The following SLC23A2 variants were observed in gnomAD, a reference collection of about 807,000 sequenced individuals.
SLC23A2 encodes solute carrier family 23 member 2.
Under a neutral mutation model 73.3 loss-of-function variants are expected in SLC23A2, and 36 were observed. The ratio of observed to expected loss-of-function variants is 0.49; its 90% confidence interval spans 0.38 to 0.65. SLC23A2 has a LOEUF of 0.65. SLC23A2 is among the 30% of genes least tolerant of loss of function. The pLI is 0.00. For missense variants in SLC23A2, 507 were observed against 841.6 expected, an observed-to-expected ratio of 0.60 and a Z score of 4.92; for synonymous variants, 343 against 327.3, an observed-to-expected ratio of 1.05 and a Z score of -0.52.
At chr20:4,948,764 T>C (rs1228197854) in intron 2 of SLC23A2, among the ~76,000 whole-genome samples, 1 of 152,248 alleles carries the variant, frequency 6.6e-6, no homozygotes, top group African/African-American at 2.4e-5. Flanking sequence ...AAAAATTATA[T>C]TCATTAAATA....
intron 1 of SLC23A2, among the ~76,000 whole-genome samples, chr20:4,980,054 G>C (rs760189507): frequency 6.6e-6 from 1 of 151,958 alleles, no homozygotes; most frequent in Admixed American, 6.6e-5. Flanking sequence ...AACTCACTAG[G>C]TATCAAAGAA....
At chr20:4,950,490 C>T (rs974695882) in intron 2 of SLC23A2, among the ~76,000 whole-genome samples, 1 of 152,198 alleles carries the variant, frequency 6.6e-6, no homozygotes, top group Non-Finnish European at 1.5e-5. Flanking sequence ...GGCAGGTCTC[C>T]ACTGATTCCT....
chr20:4,972,524 T>C (rs1462064538), intron 1 of SLC23A2, among the ~76,000 whole-genome samples: 1 of 150,886 alleles, frequency 6.6e-6, no homozygotes, highest in Admixed American at 6.7e-5. Flanking sequence ...ATAAAATCTC[T>C]ACACATAAAT....
Position 4,857,287 on chromosome 20 carries a change from C to G in SLC23A2, c.1721-83G>C. ...ATGAAACTGTCGTCAAACACATACACACACACACACACACACACACACACA... is the reference window on the plus strand; with the variant it reads ...ATGAAACTGTCGTCAAACACATACAGACACACACACACACACACACACACA... On this transcript the variant is annotated intron_variant, in intron 16 of 16. Transcript: ENST00000338244. This position sits in a 1 kb window ranked among gnomAD's most constrained non-coding sequence, Gnocchi z 4.0. The G allele has an allele frequency of 2.8e-5, 3 of 107,938 alleles. No homozygotes were observed. Among genetic ancestry groups the G allele is most frequent in the South Asian group, 1.1e-4 (1 of 9,202 alleles). 6.7% of individuals were successfully genotyped at this position (107,938 alleles called of 1,614,324 possible).
At chr20:4,926,537 T>C (rs898543821) in intron 3 of SLC23A2, among the ~76,000 whole-genome samples, 2 of 150,648 alleles carry the variant, frequency 1.3e-5, no homozygotes, top group African/African-American at 2.4e-5. Flanking sequence ...TTTTTCCTGA[T>C]TCCTGTTTCT....
rs1231873927 is a variant in SLC23A2, at chr20:4,859,397, C to G, written c.1625-13G>C. On this transcript the variant is annotated splice_polypyrimidine_tract_variant and intron_variant, in intron 15 of 16. Transcript: ENST00000338244. The stretch of plus-strand genomic sequence containing the variant: ...ATTCCTGTTATCCCTAGAAAGAGAA[C>G]ACAGCCATAAACGATCAGTGCCACA... 1 of 1,574,548 alleles carries G rather than the reference C, an allele frequency of 6.4e-7. No homozygotes were observed. Among genetic ancestry groups the G allele is most frequent in the Admixed American group, 1.7e-5 (1 of 59,962 alleles).
rs780385482 is a variant in SLC23A2, at chr20:4,929,123, AG to A, written c.108+3331del. 1.1e-4 allele frequency among the ~76,000 whole-genome samples: 17 copies of A among 152,182 alleles called. No individual in the cohort carries two copies. The East Asian group carries it at 1.5e-3, about 14-fold the overall frequency. On this transcript the variant is annotated intron_variant, in intron 3 of 16. Coordinates refer to ENST00000338244, the MANE Select transcript of SLC23A2 (RefSeq NM_005116.6). ...TATATATATACACAAAAATGTAGCC[AG>A]GCCCAGTAGCACGTACCTGCAGTCC... is the stretch of plus-strand genomic sequence containing the variant.
chr20:4,972,617 C>T (rs1038685756), intron 1 of SLC23A2, among the ~76,000 whole-genome samples: 9 of 151,632 alleles, frequency 5.9e-5, no homozygotes, highest in South Asian at 2.1e-4. Flanking sequence ...GACAGAGTCT[C>T]GCTCTATCAG....
At chr20:4,977,161 A>C (rs1038708530) in intron 1 of SLC23A2, among the ~76,000 whole-genome samples, 3 of 152,150 alleles carry the variant, frequency 2.0e-5, no homozygotes, top group Non-Finnish European at 4.4e-5. Flanking sequence ...GCAGTATACT[A>C]TCATGACACA....
chr20:4,877,194 T>A (rs1930693903), intron 9 of SLC23A2, among the ~76,000 whole-genome samples: 1 of 151,664 alleles, frequency 6.6e-6, no homozygotes, highest in Non-Finnish European at 1.5e-5. Context: ...TAAATAAAAA[T>A]TCCCATACTG....
chr20:4,932,964 G>T (rs768830987), intron 2 of SLC23A2, among the ~76,000 whole-genome samples: 2 of 151,940 alleles, frequency 1.3e-5, no homozygotes, highest in African/African-American at 4.8e-5. Context: ...CACAATACTA[G>T]GGAGAAAAAA....
chr20:4,875,017 G>A lies in SLC23A2; in HGVS notation c.825-321C>T, dbSNP rs143806130. 4.6e-4 allele frequency among the ~76,000 whole-genome samples: 70 copies of A among 152,276 alleles called. 1 individual carries two copies. In the East Asian group the frequency reaches 8.9e-3, roughly 19 times the overall value. ...AAGAATGTACACATTGATGGGAAACGCTTACTCTATGTAAAGGGAAAGGAT... is the reference window on the plus strand; with the variant it reads ...AAGAATGTACACATTGATGGGAAACACTTACTCTATGTAAAGGGAAAGGAT... On this transcript the variant is annotated intron_variant, in intron 9 of 16. Coordinates refer to ENST00000338244, the MANE Select transcript of SLC23A2 (RefSeq NM_005116.6).
intron 2 of SLC23A2, among the ~76,000 whole-genome samples, chr20:4,955,076 C>T (rs2122156712): frequency 6.6e-6 from 1 of 151,986 alleles, no homozygotes; most frequent in Non-Finnish European, 1.5e-5. Context: ...GACCTACTCT[C>T]TATTTAAAAA....
chr20:4,881,697 T>C (rs937228153), intron 9 of SLC23A2, among the ~76,000 whole-genome samples: 1 of 152,206 alleles, frequency 6.6e-6, no homozygotes, highest in African/African-American at 2.4e-5. Flanking sequence ...TAGGTTCATT[T>C]TTTTGTCCTG....
At chr20:4,898,551 A>C (rs1377547796) in intron 6 of SLC23A2, among the ~76,000 whole-genome samples, 1 of 152,216 alleles carries the variant, frequency 6.6e-6, no homozygotes, top group African/African-American at 2.4e-5. Context: ...AACTTAGGAC[A>C]GTCCTGCCAG....
rs1425768215 is a variant in SLC23A2, at chr20:4,998,229, C to T, written c.-282+3177G>A. ...CAGATTCCTCTTCACAGAACCAGAT[C>T]TCATTGTCCACATCCCTACAGTGTG... On this transcript the variant is annotated intron_variant, in intron 1 of 16. Transcript: ENST00000338244. This position sits in a 1 kb window ranked among gnomAD's most constrained non-coding sequence, Gnocchi z 4.1. 1.3e-5 allele frequency among the ~76,000 whole-genome samples: 2 copies of T among 152,192 alleles called. No individual in the cohort carries two copies. The highest frequency in any genetic ancestry group is 2.9e-5 in the Non-Finnish European group (2 of 68,046).
chr20:4,864,605 T>C (rs978634608), intron 13 of SLC23A2, among the ~76,000 whole-genome samples: 4 of 152,256 alleles, frequency 2.6e-5, no homozygotes, highest in African/African-American at 9.6e-5. Flanking sequence ...CGAGGAACTA[T>C]GTAATTATTT....
At chr20:4,895,557 G>A (rs182205726) in intron 6 of SLC23A2, among the ~76,000 whole-genome samples, 55 of 152,226 alleles carry the variant, frequency 3.6e-4, no homozygotes, top group Non-Finnish European at 6.6e-4. Flanking sequence ...AAAATTAGGC[G>A]AAATATATCA....
At position 4,855,536 on chromosome 20, in the gene SLC23A2, A is replaced by C. The variant is rs1399445121; in HGVS notation, c.*1436T>G. On this transcript the variant is annotated 3_prime_UTR_variant, in exon 17 of 17. Coordinates refer to ENST00000338244, the MANE Select transcript of SLC23A2 (RefSeq NM_005116.6). ...TAGTGTTATTAATTAGAACTCTCTTAAGTGAGAGGGAGCCTGTTGGCTGCT... is the reference window on the plus strand; with the variant it reads ...TAGTGTTATTAATTAGAACTCTCTTCAGTGAGAGGGAGCCTGTTGGCTGCT... 2.6e-5 allele frequency: 4 copies of C among 152,378 alleles called. No individual in the cohort carries two copies. The highest frequency in any genetic ancestry group is 5.9e-5 in the Non-Finnish European group (4 of 68,038). 9.4% of individuals were successfully genotyped at this position (152,378 alleles called of 1,614,324 possible).
Sources: gnomAD v4.1 joint callset for allele counts (sites outside exome capture counted in the v4.1 genomes callset) on GRCh38, gnomAD v4.1.1 for gene constraint, Gnocchi (gnomAD v3.1) non-coding constraint, MANE v1.5 for transcripts, NCBI Gene and HGNC (gene_info 2026-07-23, HGNC 2026-07-21) for gene names.